Variants in ZNF578 observed in about 807,000 individuals in gnomAD.
The protein encoded by ZNF578 is Putative chemokine-related protein B42.
ZNF578 carries 8 observed loss-of-function variants against 8.3 expected under a neutral mutation model. That is an observed-to-expected ratio of 0.96 (90% CI 0.56 to 1.74). The LOEUF is 1.74. Among genes scored for constraint, ZNF578 ranks in the 40% most tolerant of loss-of-function variants. The probability of loss-of-function intolerance (pLI) is 0.00; values close to 1 mark genes in which losing one functional copy is unlikely to be tolerated. For missense variants in ZNF578, 726 were observed against 707.5 expected (o/e 1.03, Z -0.30); for synonymous variants, 206 against 232.2 (o/e 0.89, Z 1.03).
intron 3 of ZNF578, among the ~76,000 whole-genome samples, chr19:52,498,594 A>T (rs1191763595): frequency 6.6e-6 from 1 of 151,608 alleles, no homozygotes. Flanking sequence ...CATATTGGCC[A>T]GGATGGTCTT....
At chr19:52,454,243 A>G (rs2059232257) in intron 1 of ZNF578, 1 of 152,248 alleles carries the variant, frequency 6.6e-6, no homozygotes, top group Non-Finnish European at 1.5e-5. Context: ...TCAACACGGT[A>G]GTAAACACTG....
intron 3 of ZNF578, among the ~76,000 whole-genome samples, chr19:52,493,893 A>G (rs757753002): frequency 1.3e-5 from 2 of 151,894 alleles, no homozygotes; most frequent in Non-Finnish European, 1.5e-5. Context: ...GGGAGGCTGA[A>G]GCTGGAGAAT....
intron 4 of ZNF578, among the ~76,000 whole-genome samples, chr19:52,504,211 C>T (rs1325430663): frequency 6.6e-6 from 1 of 151,922 alleles, no homozygotes; most frequent in Non-Finnish European, 1.5e-5. Flanking sequence ...CTGCCTCAGC[C>T]TCCTGTGTAG....
intron 2 of ZNF578, chr19:52,473,648 T>G (rs1454376834): frequency 4.9e-6 from 1 of 205,102 alleles, no homozygotes; most frequent in Non-Finnish European, 9.7e-6. Context: ...TTCGTTACAT[T>G]TATGTCTCTC....
At chr19:52,455,190 TA>T (rs2059235667) in intron 1 of ZNF578, 2 of 102,410 alleles carry the variant, frequency 2.0e-5, no homozygotes, top group African/African-American at 7.9e-5. Flanking sequence ...ACTGCCTTTC[TA>T]TCTTTTTTTT....
intron 2 of ZNF578, among the ~76,000 whole-genome samples, chr19:52,475,668 A>G (rs1431516225): frequency 3.9e-5 from 6 of 152,160 alleles, no homozygotes; most frequent in African/African-American, 1.4e-4. Context: ...AGTGCAGCCA[A>G]TTAATATCCC....
chr19:52,502,130 A>G (rs1001876833), intron 4 of ZNF578, among the ~76,000 whole-genome samples: 1 of 152,128 alleles, frequency 6.6e-6, no homozygotes, highest in African/African-American at 2.4e-5. Flanking sequence ...ACTTGGGAAG[A>G]GGCTCCACTG....
intron 3 of ZNF578, among the ~76,000 whole-genome samples, chr19:52,492,151 C>G (rs537842514): frequency 1.0e-5 from 1 of 97,508 alleles, no homozygotes; most frequent in African/African-American, 4.1e-5. Flanking sequence ...GAGAGAGATT[C>G]TGTCTCAAAA....
chr19:52,512,081 A>G lies in ZNF578; in HGVS notation c.1700A>G (p.Tyr567Cys), dbSNP rs73584871. 1.4e-3 allele frequency: 2,251 copies of G among 1,613,930 alleles called. 32 individuals are homozygous for G. The African/African-American group carries it at 0.025, about 18-fold the overall frequency. The change falls in exon 6 of 6, where the codon TAC becomes TGC. Residue 567 changes from tyrosine (Y) to cysteine (C), a missense_variant. Tyr to Cys is a radical substitution (Grantham distance 194, BLOSUM62 -2). Coordinates refer to ENST00000421239, the MANE Select transcript of ZNF578 (RefSeq NM_001099694.2). ...AGAATTCATAGCGGAGAGAAACCTT[A>G]CAAGTGTAATGAGTGTGGTAAGGCT... ...HTRIHSGEKP[Y>C]KCNECGKAHN...
chr19:52,493,773 C>T (rs2059375376), intron 3 of ZNF578, among the ~76,000 whole-genome samples: 1 of 151,178 alleles, frequency 6.6e-6, no homozygotes, highest in Admixed American at 6.6e-5. Context: ...GGCAGATCAC[C>T]TGAGGTCCCG....
intron 2 of ZNF578, among the ~76,000 whole-genome samples, chr19:52,477,934 G>A (rs1046147416): frequency 6.6e-6 from 1 of 152,198 alleles, no homozygotes; most frequent in Non-Finnish European, 1.5e-5. Flanking sequence ...GGATTGTACT[G>A]GGACTCCCTC....
intron 2 of ZNF578, among the ~76,000 whole-genome samples, chr19:52,490,324 A>T (rs2059361071): frequency 6.6e-6 from 1 of 152,206 alleles, no homozygotes; most frequent in Non-Finnish European, 1.5e-5. Flanking sequence ...ACTTGAACGC[A>T]TACATCAGAA....
intron 2 of ZNF578, among the ~76,000 whole-genome samples, chr19:52,460,314 C>CTTTTTT (rs35382657): frequency 1.4e-5 from 2 of 145,914 alleles, no homozygotes; most frequent in Non-Finnish European, 3.0e-5. Context: ...CTCTCCAACA[C>CTTTTTT]TTTTTTTTTT....
chr19:52,502,981 C>G (rs2059412802), intron 4 of ZNF578, among the ~76,000 whole-genome samples: 2 of 152,150 alleles, frequency 1.3e-5, no homozygotes, highest in African/African-American at 4.8e-5. Context: ...CATCCTCTCC[C>G]TCTGGGTTTC....
chr19:52,511,480 G>A lies in ZNF578; in HGVS notation c.1099G>A (p.Gly367Arg), dbSNP rs1452433156. 6.2e-7 allele frequency: 1 copy of A among 1,613,890 alleles called. No homozygotes were observed. The highest frequency in any genetic ancestry group is 8.5e-7 in the Non-Finnish European group (1 of 1,179,960). The change falls in exon 6 of 6, where the codon GGA becomes AGA. Residue 367 changes from glycine (G) to arginine (R), a missense_variant. By Grantham distance (125) the Gly-to-Arg change is moderately radical (BLOSUM62 -2). Coordinates refer to ENST00000421239, the MANE Select transcript of ZNF578 (RefSeq NM_001099694.2). ...TAGATGCCATCGTAGACTTCATACT[G>A]GAATAAAACCTTACAAGTGTAATGA... ...SLRCHRRLHT[G>R]IKPYKCNECG...
In ZNF578 at chr19:52,480,898, AAG is replaced by A. The variant is rs2059323848; in HGVS notation, c.-121-10424_-121-10423del. 3.2e-5 allele frequency among the ~76,000 whole-genome samples: 4 copies of A among 124,232 alleles called. No individual in the cohort carries two copies. The Admixed American group carries it at 3.4e-4, about 11-fold the overall frequency. The allele number at this position is 124,232 out of a possible 152,430, so 81.5% of individuals were successfully genotyped here. A position where few individuals can be genotyped will look rare whatever the true frequency, so the allele number is the denominator to read the frequency against. ...GTGACAGAGTGAGACTCCATCTCAA[AAG>A]ATAATAATAATAATAATAATAATAA... is the stretch of plus-strand genomic sequence containing the variant. On this transcript the variant is annotated intron_variant, in intron 2 of 5. Coordinates refer to ENST00000421239, the MANE Select transcript of ZNF578 (RefSeq NM_001099694.2).
Position 52,516,760 on chromosome 19 carries a change from C to T in ZNF578, c.*4606C>T, listed in dbSNP as rs1025787165. Among the ~76,000 whole-genome samples, 1 of 152,154 alleles carries T rather than the reference C, an allele frequency of 6.6e-6. No homozygotes were observed. Among genetic ancestry groups the T allele is most frequent in the Non-Finnish European group, 1.5e-5 (1 of 68,044 alleles). On this transcript the variant is annotated 3_prime_UTR_variant, in exon 6 of 6. Transcript: ENST00000421239. ...CCTGCCTGCAAAGCATTGCCCCTAA[C>T]TCCACCGCCTGTCCCAAAAGCTACA... is the stretch of plus-strand genomic sequence containing the variant.
intron 2 of ZNF578, among the ~76,000 whole-genome samples, chr19:52,464,909 A>G (rs2059269780): frequency 6.6e-6 from 1 of 152,172 alleles, no homozygotes; most frequent in Non-Finnish European, 1.5e-5. Context: ...TAAATCTATA[A>G]TAACAAGCAG....
chr19:52,467,477 G>A (rs552359665), intron 2 of ZNF578, among the ~76,000 whole-genome samples: 3 of 152,182 alleles, frequency 2.0e-5, no homozygotes, highest in Non-Finnish European at 2.9e-5. Context: ...TTAGCTGAGC[G>A]TGGTGGCACA....
Sources: gnomAD v4.1 joint callset for allele counts (sites outside exome capture counted in the v4.1 genomes callset) on GRCh38, gnomAD v4.1.1 for gene constraint, MANE v1.5 for transcripts, NCBI Gene and HGNC (gene_info 2026-07-23, HGNC 2026-07-21) for gene names.